MIA2: variants seen among roughly 807,000 people sequenced by gnomAD.
The protein encoded by MIA2 is melanoma inhibitory activity protein 2.
MIA2 carries 127 observed loss-of-function variants against 167.8 expected under a neutral mutation model. That is an observed-to-expected ratio of 0.76 (90% CI 0.66 to 0.88). The LOEUF (loss-of-function observed/expected upper bound fraction) is 0.88, where lower values mean the gene tolerates loss of function less well. Ranked by LOEUF, MIA2 falls within the 40% of genes least tolerant of loss-of-function variation. The probability of loss-of-function intolerance (pLI) is 0.00; values close to 1 mark genes in which losing one functional copy is unlikely to be tolerated. For synonymous variants in MIA2, 552 were observed against 541.9 expected (o/e 1.02, Z -0.26); for missense variants, 1,690 against 1,624.7 (o/e 1.04, Z -0.69).
At position 39,242,635 on chromosome 14, in the gene MIA2, A is replaced by G. The variant is rs553333398; in HGVS notation, c.336+1988A>G. Among the ~76,000 whole-genome samples the G allele has an allele frequency of 4.6e-5, 7 of 151,958 alleles. No homozygotes were observed. The South Asian group carries it at 8.3e-4, about 18-fold the overall frequency. On this transcript the variant is annotated intron_variant, in intron 3 of 28. Transcript: ENST00000640607. Reference sequence around the variant, plus strand: ...ACCACACCTGTCCTCATTTATTGCAATTTACAATTAGTTTTTTCTGTTGTT... The same window carrying G: ...ACCACACCTGTCCTCATTTATTGCAGTTTACAATTAGTTTTTTCTGTTGTT...
intron 18 of MIA2, 70 bp downstream of exon 18, chr14:39,308,657 A>G (rs1365840799): frequency 2.6e-6 from 3 of 1,174,260 alleles, no homozygotes; most frequent in Non-Finnish European, 3.5e-6. Context: ...TTACATAGTT[A>G]GCTATAGTGA....
intron 9 of MIA2, among the ~76,000 whole-genome samples, chr14:39,290,001 G>A (rs897742000): frequency 6.6e-6 from 1 of 152,036 alleles, no homozygotes; most frequent in African/African-American, 2.4e-5. Flanking sequence ...ATTATATTGG[G>A]CCCACCAAAA....
At position 39,299,055 on chromosome 14, in the gene MIA2, C is replaced by T. The variant is rs1339285733; in HGVS notation, c.2497-809C>T. Among the ~76,000 whole-genome samples, 17 of 115,300 alleles carry T rather than the reference C, an allele frequency of 1.5e-4. No homozygotes were observed. In the East Asian group the frequency reaches 3.5e-3, roughly 24 times the overall value. 75.6% of individuals were successfully genotyped at this position (115,300 alleles called of 152,430 possible). On this transcript the variant is annotated intron_variant, in intron 13 of 28. Transcript: ENST00000640607. The stretch of plus-strand genomic sequence containing the variant: ...GTCCAGCTTGGATGACAGAATGAGA[C>T]CCTCCCTGCCTCTAAAAAAAAAAAA...
intron 2 of MIA2, among the ~76,000 whole-genome samples, chr14:39,239,788 T>C (rs1337714842): frequency 1.3e-5 from 2 of 152,230 alleles, no homozygotes; most frequent in Non-Finnish European, 2.9e-5. Flanking sequence ...GTTTAGTTCA[T>C]GCAGTTAGCT....
At chr14:39,328,911 C>T (rs955199672) in intron 25 of MIA2, among the ~76,000 whole-genome samples, 2 of 152,060 alleles carry the variant, frequency 1.3e-5, no homozygotes, top group African/African-American at 4.8e-5. Context: ...ATGTCTCCAG[C>T]TTTGTATTTT....
intron 9 of MIA2, among the ~76,000 whole-genome samples, chr14:39,285,915 C>T (rs2059702542): frequency 6.6e-6 from 1 of 151,818 alleles, no homozygotes; most frequent in East Asian, 2.0e-4. Context: ...CTCCTCACTT[C>T]CTAGACGGGA....
chr14:39,262,968 C>G (rs2055197535), intron 6 of MIA2, among the ~76,000 whole-genome samples: 1 of 152,174 alleles, frequency 6.6e-6, no homozygotes. Flanking sequence ...CAAACAGGGG[C>G]AATTTGACTC....
intron 6 of MIA2, chr14:39,265,362 T>C (rs2055427442): frequency 6.3e-7 from 1 of 1,575,388 alleles, no homozygotes; most frequent in Non-Finnish European, 8.7e-7. Flanking sequence ...TTTATTTACA[T>C]GTTAGGAAAT....
chr14:39,325,996 G>A (rs191531662), intron 24 of MIA2, among the ~76,000 whole-genome samples: 5 of 152,330 alleles, frequency 3.3e-5, no homozygotes, highest in South Asian at 2.1e-4. Flanking sequence ...TTACAGGCAT[G>A]GGCCACTGCG....
At chr14:39,284,268 C>T (rs780285538) in intron 9 of MIA2, among the ~76,000 whole-genome samples, 2 of 152,080 alleles carry the variant, frequency 1.3e-5, no homozygotes, top group Admixed American at 6.6e-5. Context: ...CATTCTTTTG[C>T]GTGTGAAATC....
At chr14:39,370,979 T>G (rs1191986176) in intron 23 of MIA2, among the ~76,000 whole-genome samples, 3 of 152,262 alleles carry the variant, frequency 2.0e-5, no homozygotes, top group Non-Finnish European at 1.5e-5. Flanking sequence ...CAAACTTTTA[T>G]TCAAGTATCT....
chr14:39,322,105 TA>T (rs149586624), intron 24 of MIA2, among the ~76,000 whole-genome samples: 7,166 of 152,218 alleles, frequency 0.047, 291 homozygotes, highest in Non-Finnish European at 0.067. Flanking sequence ...AATTTGGAAT[TA>T]AAAAAATTTA....
At chr14:39,300,178 A>G (rs1169626076) in intron 14 of MIA2, among the ~76,000 whole-genome samples, 192 bp downstream of exon 14, 1 of 152,206 alleles carries the variant, frequency 6.6e-6, no homozygotes, top group East Asian at 1.9e-4. Flanking sequence ...ACACATACTT[A>G]TATGAATATT....
intron 3 of MIA2, among the ~76,000 whole-genome samples, chr14:39,243,947 G>C (rs1042918376): frequency 2.0e-5 from 3 of 152,204 alleles, no homozygotes; most frequent in African/African-American, 7.2e-5. Flanking sequence ...AATAAAGTAT[G>C]GATAGCCCTG....
intron 25 of MIA2, among the ~76,000 whole-genome samples, chr14:39,343,954 CAG>C (rs1482040493): frequency 6.6e-6 from 1 of 152,142 alleles, no homozygotes; most frequent in Non-Finnish European, 1.5e-5. Context: ...TTCCTGCAAT[CAG>C]AAATAGATAG....
At position 39,294,187 on chromosome 14, in the gene MIA2, T is replaced by C. The variant is rs973498850; in HGVS notation, c.2391+116T>C. The C allele has an allele frequency of 5.1e-5, 34 of 670,344 alleles. 1 individual carries two copies. The East Asian group carries it at 5.5e-4, about 11-fold the overall frequency. The allele number at this position is 670,344 out of a possible 1,614,324, so 41.5% of individuals were successfully genotyped here. On this transcript the variant is annotated intron_variant, in intron 12 of 28. Coordinates refer to ENST00000640607, the MANE Select transcript of MIA2 (RefSeq NM_001329214.4). ...TTTGAGATATAGGGGATCCCAGATATGTATTTTTTTTTTTTTAACAATACC... is the reference window on the plus strand; with the variant it reads ...TTTGAGATATAGGGGATCCCAGATACGTATTTTTTTTTTTTTAACAATACC...
At chr14:39,356,499 A>C (rs982057691) in intron 23 of MIA2, among the ~76,000 whole-genome samples, 1 of 152,168 alleles carries the variant, frequency 6.6e-6, no homozygotes, top group Admixed American at 6.5e-5. Context: ...CTTTTCAAAA[A>C]ACTAGCTCCT....
At chr14:39,263,745 C>T (rs527685822) in intron 6 of MIA2, among the ~76,000 whole-genome samples, 262 of 151,672 alleles carry the variant, frequency 1.7e-3, no homozygotes, top group Non-Finnish European at 9.3e-4. Context: ...GATTTTCCTG[C>T]CTTAGCTTCC....
chr14:39,365,331 G>A (rs2074796161), intron 23 of MIA2, among the ~76,000 whole-genome samples: 1 of 152,078 alleles, frequency 6.6e-6, no homozygotes, highest in Non-Finnish European at 1.5e-5. Context: ...CTCTCAAAGT[G>A]GTACAGGCAT....
Sources: gnomAD v4.1 joint callset for allele counts (sites outside exome capture counted in the v4.1 genomes callset) on GRCh38, gnomAD v4.1.1 for gene constraint, MANE v1.5 for transcripts, NCBI Gene and HGNC (gene_info 2026-07-23, HGNC 2026-07-21) for gene names.